Variants in MMGT1 observed in about 807,000 individuals in gnomAD.
The protein encoded by MMGT1 is membrane magnesium transporter 1, also known as ER membrane protein complex subunit 5.
A neutral mutation model predicts 11.7 loss-of-function variants in MMGT1; 2 were observed. The observed-to-expected ratio is 0.17, with a 90% CI of 0.07 to 0.54. The LOEUF is 0.54. Among genes scored for constraint, MMGT1 ranks in the 20% least tolerant of loss-of-function variants. The pLI, the probability that MMGT1 is intolerant of heterozygous loss-of-function variation, is 0.94. For missense variants in MMGT1, 74 were observed against 109.0 expected (o/e 0.68, Z 1.43); for synonymous variants, 49 against 44.4 (o/e 1.10, Z -0.41).
chrX:135,969,683 A>C (rs1257509176), intron 2 of MMGT1, among the ~76,000 whole-genome samples: 4 of 112,367 alleles, frequency 3.6e-5, no homozygotes, highest in Non-Finnish European at 5.6e-5. Context: ...TTTTAACAAG[A>C]ATCTATATGA....
In MMGT1 at chrX:135,973,792, A is replaced by G; in HGVS notation, c.-117T>C. 1 of 1,164,725 alleles carries G rather than the reference A, an allele frequency of 8.6e-7. No homozygotes were observed. Among genetic ancestry groups the G allele is most frequent in the Non-Finnish European group, 1.1e-6 (1 of 872,175 alleles). On this transcript the variant is annotated 5_prime_UTR_variant, in exon 1 of 4. Coordinates refer to ENST00000305963, the MANE Select transcript of MMGT1 (RefSeq NM_173470.3). ...ATGACGTCACTGAAGTCCTGAGCGC[A>G]AAGTGTCTCAGTGGTGGAAAAGCCA... is the stretch of plus-strand genomic sequence containing the variant.
chrX:135,965,358 G>A (rs1421943177), intron 3 of MMGT1, among the ~76,000 whole-genome samples, 175 bp from the exon 4 acceptor site: 3 of 111,135 alleles, frequency 2.7e-5, no homozygotes, highest in South Asian at 3.8e-4. Flanking sequence ...CCTATATAAA[G>A]AAAATAAGAA....
At chrX:135,965,579 A>G (rs1453210357) in intron 3 of MMGT1, among the ~76,000 whole-genome samples, 1 of 110,453 alleles carries the variant, frequency 9.1e-6, no homozygotes, top group Non-Finnish European at 1.9e-5. Context: ...TTTTATTATT[A>G]TTTTTTGTAG....
rs1556612811 is a variant in MMGT1, at chrX:135,973,585, C to G, written c.79+12G>C. On this transcript the variant is annotated intron_variant, in intron 1 of 3. Transcript: ENST00000305963. Reference sequence around the variant, plus strand: ...TCCACACCGAAGCGGTCCCCGTGCCCCAGGCACTTACGCTGCGCAGCGGAA... The same window carrying G: ...TCCACACCGAAGCGGTCCCCGTGCCGCAGGCACTTACGCTGCGCAGCGGAA... The G allele has an allele frequency of 1.7e-6, 2 of 1,160,521 alleles. No individual in the cohort carries two copies. The highest frequency in any genetic ancestry group is 5.2e-5 in the Admixed American group (2 of 38,764).
At chrX:135,966,322 G>A (rs188486658) in intron 3 of MMGT1, among the ~76,000 whole-genome samples, 6 of 112,405 alleles carry the variant, frequency 5.3e-5, no homozygotes, top group East Asian at 5.6e-4. Context: ...GGTGGGGCAC[G>A]TTGGCTCACA....
At chrX:135,967,667 T>C (rs1358834846) in intron 2 of MMGT1, among the ~76,000 whole-genome samples, 174 bp from the exon 3 acceptor site, 1 of 111,872 alleles carries the variant, frequency 8.9e-6, no homozygotes, top group Non-Finnish European at 1.9e-5. Flanking sequence ...CTATAAATTC[T>C]GTGGATTGGC....
intron 1 of MMGT1, among the ~76,000 whole-genome samples, chrX:135,971,920 A>C (rs1556612631): frequency 8.9e-6 from 1 of 112,521 alleles, no homozygotes; most frequent in Non-Finnish European, 1.9e-5. Flanking sequence ...TCTCAAGTTC[A>C]GAGTGTTAAA....
chrX:135,968,141 C>T, intron 2 of MMGT1, among the ~76,000 whole-genome samples: 1 of 112,083 alleles, frequency 8.9e-6, no homozygotes, highest in East Asian at 2.8e-4. Context: ...CGTGAGCCAC[C>T]ACACCCAGCC....
chrX:135,973,652 C>G lies in MMGT1; in HGVS notation c.24G>C (p.Gly8=). 3.4e-6 allele frequency: 4 copies of G among 1,167,470 alleles called. No individual in the cohort carries two copies. Among genetic ancestry groups the G allele is most frequent in the Non-Finnish European group, 4.6e-6 (4 of 873,041 alleles). The change falls in exon 1 of 4, where the codon GGG becomes GGC. Residue 8 remains glycine (G), a synonymous_variant. Coordinates refer to ENST00000305963, the MANE Select transcript of MMGT1 (RefSeq NM_173470.3). ...GGGCAAAGAGACCGATGCCCACCAG[C>G]CCCTTCCACAGCGACGGCGCCATGA... MAPSLWK[G]LVGIGLFALA... is the part of the protein sequence containing the mutation.
At position 135,972,941 on chromosome X, in the gene MMGT1, T is replaced by A. The variant is rs1471821742; in HGVS notation, c.79+656A>T. Among the ~76,000 whole-genome samples the A allele has an allele frequency of 6.2e-5, 7 of 112,123 alleles. No homozygotes were observed. The Admixed American group carries it at 6.6e-4, about 11-fold the overall frequency. On this transcript the variant is annotated intron_variant, in intron 1 of 3. Transcript: ENST00000305963. ...AGCATATCACTTTATTGTAACTACTTCTTGATCCACTTGTTTTCCTTTAGA... is the reference window on the plus strand; with the variant it reads ...AGCATATCACTTTATTGTAACTACTACTTGATCCACTTGTTTTCCTTTAGA...
chrX:135,973,903 C>G lies in MMGT1; in HGVS notation c.-228G>C, dbSNP rs1556612938. The G allele has an allele frequency of 8.8e-7, 1 of 1,141,416 alleles. No homozygotes were observed. Among genetic ancestry groups the G allele is most frequent in the Non-Finnish European group, 1.2e-6 (1 of 861,998 alleles). The allele number at this position is 1,141,416 out of a possible 1,213,427, so 94.1% of individuals were successfully genotyped here. On this transcript the variant is annotated 5_prime_UTR_variant, in exon 1 of 4. Transcript: ENST00000305963. Reference sequence around the variant, plus strand: ...AGGTCCGCGAGAACCCACGAACCTGCGCTATGGAGGCCTCTCTAGGAGGGC... The same window carrying G: ...AGGTCCGCGAGAACCCACGAACCTGGGCTATGGAGGCCTCTCTAGGAGGGC...
chrX:135,968,708 T>C (rs1240928974), intron 2 of MMGT1, among the ~76,000 whole-genome samples: 1 of 110,371 alleles, frequency 9.1e-6, no homozygotes, highest in Non-Finnish European at 1.9e-5. Context: ...TTTTTGTATT[T>C]TTAGTAGAGA....
rs193046869 is a variant in MMGT1 at position 135,964,749 on chromosome X, G to T, written c.*275C>A. ...CCACCAACATTTTTCAAGGAAATGT[G>T]TTCAAAACAGTGGCTTTTACAAAAG... is the stretch of plus-strand genomic sequence containing the variant. On this transcript the variant is annotated 3_prime_UTR_variant, in exon 4 of 4. Coordinates refer to ENST00000305963, the MANE Select transcript of MMGT1 (RefSeq NM_173470.3). 5.5e-5 allele frequency: 12 copies of T among 217,365 alleles called. No individual in the cohort carries two copies. The East Asian group carries it at 9.3e-4, about 17-fold the overall frequency. 17.9% of individuals were successfully genotyped at this position (217,365 alleles called of 1,213,427 possible).
intron 2 of MMGT1, among the ~76,000 whole-genome samples, chrX:135,968,601 G>A (rs1011551664): frequency 4.7e-5 from 5 of 105,264 alleles, no homozygotes; most frequent in Admixed American, 3.1e-4. Flanking sequence ...GTGCAATCTC[G>A]GCTCACTGCA....
Position 135,965,022 on chromosome X carries a change from T to C in MMGT1, c.*2A>G, listed in dbSNP as rs148309600. 8.3e-7 allele frequency: 1 copy of C among 1,204,307 alleles called. No individual in the cohort carries two copies. Among genetic ancestry groups the C allele is most frequent in the Non-Finnish European group, 1.1e-6 (1 of 891,063 alleles). On this transcript the variant is annotated 3_prime_UTR_variant, in exon 4 of 4. Coordinates refer to ENST00000305963, the MANE Select transcript of MMGT1 (RefSeq NM_173470.3). Reference sequence around the variant, plus strand: ...GTCCTATTATTATAATTTGTAAAAATCTTAACGACGCAGTGATTCGAGTTT... The same window carrying C: ...GTCCTATTATTATAATTTGTAAAAACCTTAACGACGCAGTGATTCGAGTTT...
At position 135,961,741 on chromosome X, in the gene MMGT1, G is replaced by A. The variant is rs2089156612; in HGVS notation, c.*3283C>T. ...ATAACGATTTCCTATTAAGTATAAA[G>A]TGACACTTTCAATGGGAGTTTGGCT... is the stretch of plus-strand genomic sequence containing the variant. On this transcript the variant is annotated 3_prime_UTR_variant, in exon 4 of 4. Transcript: ENST00000305963. Among the ~76,000 whole-genome samples, 2 of 111,440 alleles carry A rather than the reference G, an allele frequency of 1.8e-5. No individual in the cohort carries two copies. The highest frequency in any genetic ancestry group is 6.5e-5 in the African/African-American group (2 of 30,676).
intron 1 of MMGT1, 21 bp downstream of exon 1, chrX:135,973,576 C>A (rs782148416): frequency 8.7e-6 from 10 of 1,150,878 alleles, no homozygotes; most frequent in South Asian, 3.8e-5. Context: ...CCGAAGCGGT[C>A]CCCGTGCCCC....
At chrX:135,970,726 G>A (rs1371152169) in intron 2 of MMGT1, among the ~76,000 whole-genome samples, 2 of 111,624 alleles carry the variant, frequency 1.8e-5, no homozygotes, top group African/African-American at 3.3e-5. Context: ...TGGCTAACAC[G>A]GTGAAACCCT....
rs1556612917 is a variant in MMGT1, at chrX:135,973,821, G to A, written c.-146C>T. On this transcript the variant is annotated 5_prime_UTR_variant, in exon 1 of 4. Transcript: ENST00000305963. ...TGTCTCAGTGGTGGAAAAGCCAGAG[G>A]GCTGTGAGAAAACGGAAACAGGAAT... 1 of 1,164,046 alleles carries A rather than the reference G, an allele frequency of 8.6e-7. No individual in the cohort carries two copies. The highest frequency in any genetic ancestry group is 1.1e-6 in the Non-Finnish European group (1 of 871,961).
Sources: gnomAD v4.1 joint callset for allele counts (sites outside exome capture counted in the v4.1 genomes callset) on GRCh38, gnomAD v4.1.1 for gene constraint, MANE v1.5 for transcripts, NCBI Gene and HGNC (gene_info 2026-07-23, HGNC 2026-07-21) for gene names.